Variants in SLC4A8 observed in about 807,000 individuals in gnomAD.
SLC4A8 encodes electroneutral sodium bicarbonate exchanger 1.
In SLC4A8, 40 loss-of-function variants were observed where a neutral mutation model predicts 125.0. The observed-to-expected ratio is 0.32, with a 90% CI of 0.25 to 0.42. The LOEUF is 0.42. Ranked by LOEUF, SLC4A8 falls within the 10% of genes least tolerant of loss-of-function variation. The probability of loss-of-function intolerance (pLI) is 1.00; values close to 1 mark genes in which losing one functional copy is unlikely to be tolerated. For missense variants in SLC4A8, 863 were observed against 1,355.1 expected (o/e 0.64, Z 5.70); for synonymous variants, 456 against 476.0 (o/e 0.96, Z 0.55).
intron 22 of SLC4A8, among the ~76,000 whole-genome samples, chr12:51,503,035 G>A (rs1329904245): frequency 1.3e-5 from 2 of 150,928 alleles, no homozygotes; most frequent in Non-Finnish European, 2.9e-5. Flanking sequence ...TAGAGACGGG[G>A]GTTTCACCGT....
chr12:51,425,235 C>T, intron 1 of SLC4A8, 200 bp downstream of exon 1: 2 of 1,371,070 alleles, frequency 1.5e-6, no homozygotes, highest in Non-Finnish European at 9.4e-7. Flanking sequence ...GACCTTGGGC[C>T]GAACCTGGGA....
At chr12:51,491,412 G>A (rs969206542) in intron 19 of SLC4A8, among the ~76,000 whole-genome samples, 1 of 152,106 alleles carries the variant, frequency 6.6e-6, no homozygotes, top group Non-Finnish European at 1.5e-5. Context: ...CCAGAGAGGT[G>A]GGAGGAAAAC....
intron 1 of SLC4A8, among the ~76,000 whole-genome samples, chr12:51,435,323 C>A (rs1385285525): frequency 6.6e-6 from 1 of 152,132 alleles, no homozygotes; most frequent in Non-Finnish European, 1.5e-5. Context: ...TAATGAGAAG[C>A]TTTTCTCATC....
At chr12:51,462,851 T>C (rs7960900) in intron 10 of SLC4A8, 79,686 of 148,148 alleles carry the variant, frequency 0.54, 21,536 homozygotes, top group African/African-American at 0.57. Context: ...TGAGATGGTG[T>C]CACTGCATTC....
intron 1 of SLC4A8, among the ~76,000 whole-genome samples, chr12:51,433,993 G>C (rs1222563401): frequency 6.6e-6 from 1 of 151,546 alleles, no homozygotes; most frequent in Non-Finnish European, 1.5e-5. Context: ...TTCCACCTGA[G>C]CCTCCAGAGT....
At chr12:51,433,564 C>CT (rs1949265350) in intron 1 of SLC4A8, among the ~76,000 whole-genome samples, 2 of 152,138 alleles carry the variant, frequency 1.3e-5, no homozygotes, top group African/African-American at 2.4e-5. Context: ...TCCTCTGAAG[C>CT]CCATTTACAA....
At position 51,515,286 on chromosome 12, in the gene SLC4A8, A is replaced by G. The variant is rs889565679; in HGVS notation, c.*7848A>G. The G allele has an allele frequency of 2.6e-5, 4 of 152,264 alleles. No homozygotes were observed. Among genetic ancestry groups the G allele is most frequent in the African/African-American group, 9.6e-5 (4 of 41,472 alleles). 9.4% of individuals were successfully genotyped at this position (152,264 alleles called of 1,614,324 possible). On this transcript the variant is annotated 3_prime_UTR_variant, in exon 25 of 25. Coordinates refer to ENST00000453097, the MANE Select transcript of SLC4A8 (RefSeq NM_001039960.3). ...TCCTTTCTCCTATATTCACTCCTCC[A>G]GGATCATAAAGCCTCCCTCTTGTTT...
rs1313690865 is a variant in SLC4A8 at position 51,462,532 on chromosome 12, G to A, written c.1248+76G>A. On this transcript the variant is annotated intron_variant, in intron 10 of 24. Coordinates refer to ENST00000453097, the MANE Select transcript of SLC4A8 (RefSeq NM_001039960.3). ...ACCATGGACAAAGCAAAGACCATGT[G>A]GGTATATGCTAAATATATCAAGATG... 6.8e-6 allele frequency: 8 copies of A among 1,182,076 alleles called. No individual in the cohort carries two copies. In the African/African-American group the frequency reaches 1.3e-4, roughly 18 times the overall value. The allele number at this position is 1,182,076 out of a possible 1,614,324, so 73.2% of individuals were successfully genotyped here. A position where few individuals can be genotyped will look rare whatever the true frequency, so the allele number is the denominator to read the frequency against.
At chr12:51,479,009 T>A (rs986082548) in intron 16 of SLC4A8, among the ~76,000 whole-genome samples, 15 of 152,324 alleles carry the variant, frequency 9.8e-5, no homozygotes, top group Middle Eastern at 3.4e-3. Flanking sequence ...TGCAGTGAGA[T>A]TTGATATGAT....
At chr12:51,500,235 T>TATTTTCCAAAATTCCTG (rs1215894470) in intron 22 of SLC4A8, among the ~76,000 whole-genome samples, 1 of 152,198 alleles carries the variant, frequency 6.6e-6, no homozygotes, top group African/African-American at 2.4e-5. Flanking sequence ...TTATATTCCT[T>TATTTTCCAAAATTCCTG]ATTTTCCAAA....
intron 1 of SLC4A8, among the ~76,000 whole-genome samples, chr12:51,404,578 A>C (rs1342828735): frequency 6.6e-6 from 1 of 152,112 alleles, no homozygotes; most frequent in Non-Finnish European, 1.5e-5. Context: ...CCACATGACC[A>C]CTGATGGAAT....
At chr12:51,443,181 A>G (rs1949655717) in intron 2 of SLC4A8, among the ~76,000 whole-genome samples, 1 of 152,040 alleles carries the variant, frequency 6.6e-6, no homozygotes, top group Non-Finnish European at 1.5e-5. Flanking sequence ...GAGTGCAGTG[A>G]CCCAGTCTTA....
In SLC4A8 at chr12:51,475,477, T is replaced by C. The variant is rs534197653; in HGVS notation, c.2172+271T>C. On this transcript the variant is annotated intron_variant, in intron 16 of 24. Coordinates refer to ENST00000453097, the MANE Select transcript of SLC4A8 (RefSeq NM_001039960.3). ...TGGTTTTTTAAAAGTTATTAAGTCTTATTTCCAGAATGCTGTTACGTTTCA... is the reference window on the plus strand; with the variant it reads ...TGGTTTTTTAAAAGTTATTAAGTCTCATTTCCAGAATGCTGTTACGTTTCA... Among the ~76,000 whole-genome samples the C allele has an allele frequency of 5.3e-5, 8 of 152,346 alleles. 1 individual carries two copies. Among genetic ancestry groups the C allele is most frequent in the African/African-American group, 1.9e-4 (8 of 41,574 alleles).
intron 16 of SLC4A8, among the ~76,000 whole-genome samples, chr12:51,483,612 A>ATT (rs34550033): frequency 9.1e-4 from 138 of 151,560 alleles, no homozygotes; most frequent in Non-Finnish European, 1.6e-3. Context: ...AATAAATGGC[A>ATT]TTTTTTTTGC....
At chr12:51,480,042 T>C in intron 16 of SLC4A8, 1 of 366,780 alleles carries the variant, frequency 2.7e-6, no homozygotes, top group Non-Finnish European at 5.2e-6. Context: ...TGATCTTGGC[T>C]CACTGCAACC....
At chr12:51,463,803 C>A in intron 11 of SLC4A8, 89 bp downstream of exon 11, 1 of 855,704 alleles carries the variant, frequency 1.2e-6, no homozygotes, top group Non-Finnish European at 1.9e-6. Flanking sequence ...CAGCCTACTT[C>A]TCTGTGGTGG....
chr12:51,493,454 CAGATGGGTG>C, intron 19 of SLC4A8, among the ~76,000 whole-genome samples: 1 of 151,960 alleles, frequency 6.6e-6, no homozygotes, highest in Non-Finnish European at 1.5e-5. Flanking sequence ...GAGGAAGAGC[CAGATGGGTG>C]AGATGGGAAG....
At chr12:51,451,086 A>G in intron 3 of SLC4A8, 64 bp downstream of exon 3, 1 of 1,301,208 alleles carries the variant, frequency 7.7e-7, no homozygotes, top group African/African-American at 1.5e-5. Context: ...CTGAGGGGAC[A>G]TGTGACTGAC....
At chr12:51,397,621 A>T (rs1948289200) in intron 1 of SLC4A8, among the ~76,000 whole-genome samples, 1 of 152,226 alleles carries the variant, frequency 6.6e-6, no homozygotes, top group Non-Finnish European at 1.5e-5. Flanking sequence ...TAATTATGTT[A>T]CCTAGAGATA....
Sources: gnomAD v4.1 joint callset for allele counts (sites outside exome capture counted in the v4.1 genomes callset) on GRCh38, gnomAD v4.1.1 for gene constraint, MANE v1.5 for transcripts, NCBI Gene and HGNC (gene_info 2026-07-23, HGNC 2026-07-21) for gene names.